The following ARHGEF10 variants were observed in gnomAD, a reference collection of about 807,000 sequenced individuals.
ARHGEF10 encodes Rho guanine nucleotide exchange factor (GEF) 10.
ARHGEF10 carries 140 observed loss-of-function variants against 147.4 expected under a neutral mutation model. That is an observed-to-expected ratio of 0.95 (90% CI 0.83 to 1.09). ARHGEF10 has a LOEUF of 1.09. Ranked by LOEUF, ARHGEF10 falls within the 50% of genes least tolerant of loss-of-function variation. ARHGEF10 has a pLI of 0.00. For synonymous variants in ARHGEF10, 902 were observed against 695.8 expected (o/e 1.30, Z -4.67); for missense variants, 2,222 against 1,752.7 (o/e 1.27, Z -4.78).
At chr8:1,879,903 C>G (rs1184275127) in intron 8 of ARHGEF10, 145 bp from the exon 9 acceptor site, 3 of 733,190 alleles carry the variant, frequency 4.1e-6, no homozygotes, top group Non-Finnish European at 5.0e-6. Flanking sequence ...GTAATGGGGA[C>G]TCTCGCGTGT....
chr8:1,890,080 G>A (rs904333197), intron 11 of ARHGEF10, among the ~76,000 whole-genome samples: 5 of 148,294 alleles, frequency 3.4e-5, no homozygotes, highest in African/African-American at 1.0e-4. Context: ...CGAGTGTGGT[G>A]TGAGGGGTCT....
chr8:1,952,406 G>T (rs1815129658), intron 27 of ARHGEF10, among the ~76,000 whole-genome samples: 1 of 152,352 alleles, frequency 6.6e-6, no homozygotes, highest in Non-Finnish European at 1.5e-5. Flanking sequence ...TCATCCAGGG[G>T]CTTGATTCAT....
intron 1 of ARHGEF10, among the ~76,000 whole-genome samples, chr8:1,829,027 G>T (rs1445195512): frequency 6.6e-6 from 1 of 152,242 alleles, no homozygotes; most frequent in Non-Finnish European, 1.5e-5. Context: ...GAGCGGACAC[G>T]GACGGGGAGT....
chr8:1,854,677 C>T (rs531592130), intron 2 of ARHGEF10, among the ~76,000 whole-genome samples: 2 of 152,068 alleles, frequency 1.3e-5, no homozygotes, highest in Non-Finnish European at 2.9e-5. Context: ...GCTTTGATTT[C>T]CCTTGTATAG....
At chr8:1,868,297 T>C (rs1357338964) in intron 6 of ARHGEF10, among the ~76,000 whole-genome samples, 1 of 152,256 alleles carries the variant, frequency 6.6e-6, no homozygotes, top group Non-Finnish European at 1.5e-5. Context: ...TTTGTTGGTC[T>C]CATTTTCTGT....
Position 1,858,109 on chromosome 8 carries a change from C to T in ARHGEF10, c.187C>T (p.Pro63Ser), listed in dbSNP as rs1163892905. The T allele has an allele frequency of 1.9e-6, 3 of 1,541,694 alleles. No individual in the cohort carries two copies. Among genetic ancestry groups the T allele is most frequent in the African/African-American group, 1.7e-5 (1 of 60,368 alleles). The change falls in exon 3 of 29, where the codon CCC becomes TCC. Residue 63 changes from proline (P) to serine (S), a missense_variant. Physicochemically the swap from Pro to Ser is moderately conservative, Grantham distance 74. Transcript: ENST00000349830. ...GGAGASEAPA[P>S]TGGEDGAGAE... is the part of the protein sequence containing the mutation. ...TGCTGGAGCCAGTGAAGCCCCTGCA[C>T]CCACAGGTGAGTTTCCAGGAGGGTC...
At chr8:1,873,593 A>T (rs11780264) in intron 7 of ARHGEF10, among the ~76,000 whole-genome samples, 5 of 30,232 alleles carry the variant, frequency 1.7e-4, no homozygotes, top group African/African-American at 1.1e-3. Flanking sequence ...CGCATTTCCT[A>T]GTTGCCTTGA....
intron 9 of ARHGEF10, 63 bp from the exon 10 acceptor site, chr8:1,882,572 C>T (rs550063611): frequency 6.8e-6 from 9 of 1,317,562 alleles, no homozygotes; most frequent in Non-Finnish European, 9.6e-6. Context: ...TTAAAACAGG[C>T]AAATGAAAGT....
chr8:1,924,736 G>A (rs1812556977), intron 21 of ARHGEF10, among the ~76,000 whole-genome samples: 1 of 152,178 alleles, frequency 6.6e-6, no homozygotes, highest in Non-Finnish European at 1.5e-5. Flanking sequence ...CAAGGAAGTG[G>A]CCACTCTCTA....
Position 1,860,013 on chromosome 8 carries a change from C to T in ARHGEF10, c.310C>T (p.Gln104Ter), listed in dbSNP as rs962053220. The change falls in exon 4 of 29, where the codon CAG becomes TAG. Residue 104 changes from glutamine (Q) to a stop codon, truncating the protein, a stop_gained. Transcript: ENST00000349830. LOFTEE classifies it high-confidence loss of function. ...CGACATCACGCCATTCCAGGAGGAC[C>T]AGCCGCCCACCCCCGTGCCCAGCGC... is the stretch of plus-strand genomic sequence containing the variant. ...VIDITPFQEDQPPTPVPSAEE... is the reference protein window; with the variant it reads ...VIDITPFQED The T allele has an allele frequency of 1.2e-6, 2 of 1,614,124 alleles. No individual in the cohort carries two copies. The highest frequency in any genetic ancestry group is 1.7e-4 in the Middle Eastern group (1 of 6,060).
At chr8:1,860,569 A>G (rs967249167) in intron 4 of ARHGEF10, among the ~76,000 whole-genome samples, 2 of 152,154 alleles carry the variant, frequency 1.3e-5, no homozygotes, top group Admixed American at 6.5e-5. Flanking sequence ...GAGTTGGAAA[A>G]TGAGCCCCTA....
At chr8:1,867,553 G>T (rs897974398) in intron 6 of ARHGEF10, among the ~76,000 whole-genome samples, 9 of 152,162 alleles carry the variant, frequency 5.9e-5, no homozygotes, top group African/African-American at 2.2e-4. Flanking sequence ...TTTCCAACAC[G>T]CGGCTCCAGC....
At chr8:1,872,490 G>T (rs3735866) in intron 7 of ARHGEF10, among the ~76,000 whole-genome samples, 34,921 of 152,102 alleles carry the variant, frequency 0.23, 4,155 homozygotes, top group East Asian at 0.4. Context: ...ATGTCAGGAA[G>T]TTGAATCCAG....
At chr8:1,899,257 C>T (rs1810267100) in intron 15 of ARHGEF10, among the ~76,000 whole-genome samples, 4 of 152,238 alleles carry the variant, frequency 2.6e-5, no homozygotes, top group South Asian at 4.1e-4. Context: ...CTGCGGGGCT[C>T]AGCACCCATT....
intron 1 of ARHGEF10, among the ~76,000 whole-genome samples, chr8:1,839,132 GAAACT>G (rs1803773631): frequency 6.6e-6 from 1 of 151,618 alleles, no homozygotes. Context: ...GTCTGGTGTG[GAAACT>G]GTCTGGTATG....
rs1808949378 is a variant in ARHGEF10 at position 1,888,270 on chromosome 8, GC to G, written c.1182+2564del. 8.3e-5 allele frequency among the ~76,000 whole-genome samples: 7 copies of G among 84,394 alleles called. 1 individual carries two copies. The highest frequency in any genetic ancestry group is 3.1e-4 in the African/African-American group (7 of 22,262). The allele number at this position is 84,394 out of a possible 152,430, so 55.4% of individuals were successfully genotyped here. On this transcript the variant is annotated intron_variant, in intron 11 of 28. Coordinates refer to ENST00000349830, the MANE Select transcript of ARHGEF10 (RefSeq NM_014629.4). ...GGGTTGCGAGGAGATGCTGAGTGGG[GC>G]TGTAGGTTCTGAGGAGGGGTGGGGT...
chr8:1,873,402 C>T lies in ARHGEF10; in HGVS notation c.680-3169C>T, dbSNP rs990648981. Among the ~76,000 whole-genome samples the T allele has an allele frequency of 4.6e-5, 7 of 151,608 alleles. No individual in the cohort carries two copies. In the South Asian group the frequency reaches 1.2e-3, roughly 27 times the overall value. On this transcript the variant is annotated intron_variant, in intron 7 of 28. Coordinates refer to ENST00000349830, the MANE Select transcript of ARHGEF10 (RefSeq NM_014629.4). ...AAGCAAAAGCAAGAGGAGAAAGTCA[C>T]AGTGTGCTGGCATCAAGTTGCATTG...
At position 1,894,585 on chromosome 8, in the gene ARHGEF10, G is replaced by A. The variant is rs376541162; in HGVS notation, c.1440+13G>A. 1 of 1,613,650 alleles carries A rather than the reference G, an allele frequency of 6.2e-7. No homozygotes were observed. The highest frequency in any genetic ancestry group is 1.7e-5 in the Admixed American group (1 of 60,014). On this transcript the variant is annotated intron_variant, in intron 13 of 28. Transcript: ENST00000349830. ...CTTCGTGGCTTCGGTAATTAAGCTG[G>A]GACACCTGGATGTCCATGGGGCTCT... is the stretch of plus-strand genomic sequence containing the variant.
chr8:1,912,288 G>A (rs1470374542), intron 18 of ARHGEF10, among the ~76,000 whole-genome samples: 2 of 151,716 alleles, frequency 1.3e-5, no homozygotes, highest in Non-Finnish European at 1.5e-5. Context: ...CAGGAAGCTC[G>A]CCGTCCCTGC....
Sources: gnomAD v4.1 joint callset for allele counts (sites outside exome capture counted in the v4.1 genomes callset) on GRCh38, gnomAD v4.1.1 for gene constraint, MANE v1.5 for transcripts, NCBI Gene and HGNC (gene_info 2026-07-23, HGNC 2026-07-21) for gene names.